The following MUC6 variants were observed in gnomAD, a reference collection of about 807,000 sequenced individuals.
MUC6 encodes mucin 6, oligomeric mucus/gel-forming (gene/pseudogene).
In MUC6, 188 loss-of-function variants were observed where a neutral mutation model predicts 201.5. The ratio of observed to expected loss-of-function variants is 0.93; its 90% confidence interval spans 0.83 to 1.05. The LOEUF (loss-of-function observed/expected upper bound fraction) is 1.05, where lower values mean the gene tolerates loss of function less well. Ranked by LOEUF, MUC6 falls within the 50% of genes least tolerant of loss-of-function variation. The pLI is 0.00. For synonymous variants in MUC6, 1,228 were observed against 1,389.4 expected, an observed-to-expected ratio of 0.88 and a Z score of 2.58; for missense variants, 2,706 against 3,256.9, an observed-to-expected ratio of 0.83 and a Z score of 4.12.
At position 1,025,927 on chromosome 11, in the gene MUC6, G is replaced by C. The variant is rs377667496; in HGVS notation, c.2689-12C>G. The C allele has an allele frequency of 1.7e-5, 28 of 1,604,396 alleles. No homozygotes were observed. Among genetic ancestry groups the C allele is most frequent in the Non-Finnish European group, 2.3e-5 (27 of 1,176,130 alleles). On this transcript the variant is annotated splice_polypyrimidine_tract_variant and intron_variant, in intron 21 of 32. Transcript: ENST00000421673. Reference sequence around the variant, plus strand: ...ACACCACAGACGTCCTGCAGGGAGAGGGCGCTGAGGAGGAGCCCTGGAGGC... The same window carrying C: ...ACACCACAGACGTCCTGCAGGGAGACGGCGCTGAGGAGGAGCCCTGGAGGC...
In MUC6 at chr11:1,029,546, T is replaced by C. The variant is rs1164117081; in HGVS notation, c.1085A>G (p.His362Arg). The C allele has an allele frequency of 8.7e-6, 14 of 1,612,202 alleles. No homozygotes were observed. The highest frequency in any genetic ancestry group is 1.1e-5 in the Non-Finnish European group (13 of 1,179,596). The change falls in exon 9 of 33, where the codon CAC (histidine) becomes CGC (arginine). Residue 362 changes from histidine to arginine, a missense_variant. This residue lies in a region of MUC6 where 1,850 missense variants were observed against 1,958.3 expected (regional missense o/e 0.94). Transcript: ENST00000421673. Reference sequence around the variant, plus strand: ...CTCCCCGGGGGCATACATGGCGCCGTGGAGCACACAGGGGCACTGGGTGAC... The same window carrying C: ...CTCCCCGGGGGCATACATGGCGCCGCGGAGCACACAGGGGCACTGGGTGAC... ...VPVTQCPCVLHGAMYAPGEVT... is the reference protein window; with the variant it reads ...VPVTQCPCVLRGAMYAPGEVT...
chr11:1,018,733 G>A lies in MUC6; in HGVS notation c.4068C>T (p.Ala1356=). ...STNQELPGTT[A]TQTTGPRPTP... ...TTGGACGTGGGCCTGTCGTCTGGGT[G>A]GCCGTTGTTCCTGGCAGTTCCTGAT... Residue 1356 remains alanine (A), a synonymous_variant, in exon 31 of 33, where the codon GCC becomes GCT. Transcript: ENST00000421673. The A allele has an allele frequency of 1.3e-6, 2 of 1,582,636 alleles. No homozygotes were observed. Among genetic ancestry groups the A allele is most frequent in the Non-Finnish European group, 1.7e-6 (2 of 1,166,996 alleles).
In MUC6 at chr11:1,014,002, C is replaced by T. The variant is rs1296338429; in HGVS notation, c.7040-1G>A. ...TGCTGCTCCCGCACACTGCAGACCC[C>T]TGGTAGCCGAGTGGACGGTCAGCAG... is the stretch of plus-strand genomic sequence containing the variant. On this transcript the variant is annotated splice_acceptor_variant, in intron 31 of 32. Coordinates refer to ENST00000421673, the MANE Select transcript of MUC6 (RefSeq NM_005961.3). LOFTEE classifies it high-confidence loss of function. 6.2e-7 allele frequency: 1 copy of T among 1,604,920 alleles called. No individual in the cohort carries two copies.
intron 14 of MUC6, 44 bp from the exon 15 acceptor site, chr11:1,028,103 C>T (rs1404208924): frequency 5.2e-6 from 8 of 1,547,696 alleles, no homozygotes; most frequent in Non-Finnish European, 7.0e-6. Context: ...CCCTCCCATT[C>T]CAGCTACGGC....
Position 1,031,249 on chromosome 11 carries a change from T to A in MUC6, c.494A>T (p.Glu165Val). ...GPDSHLMVLV[E>V]RKYMGQMCGL... ...GCACATCTGACCCATGTACTTCCGCTCCACCAGAACCTGCGGGAGACGGCT... is the reference window on the plus strand; with the variant it reads ...GCACATCTGACCCATGTACTTCCGCACCACCAGAACCTGCGGGAGACGGCT... The change falls in exon 5 of 33, where the codon GAG becomes GTG. Residue 165 changes from glutamate (E) to valine (V), a missense_variant. This residue lies in a region of MUC6 where 1,850 missense variants were observed against 1,958.3 expected (regional missense o/e 0.94). Coordinates refer to ENST00000421673, the MANE Select transcript of MUC6 (RefSeq NM_005961.3). 6.4e-7 allele frequency: 1 copy of A among 1,572,808 alleles called. No individual in the cohort carries two copies. Among genetic ancestry groups the A allele is most frequent in the African/African-American group, 1.4e-5 (1 of 73,456 alleles).
chr11:1,028,251 G>T lies in MUC6; in HGVS notation c.1728C>A (p.Asp576Glu). ...NCPAALERET[D>E]PCSMSQLNKV... Reference sequence around the variant, plus strand: ...TGTTGAGCTGGCTCATGGAGCAGGGGTCAGTCTCACGCTCCAGAGCGGCCG... The same window carrying T: ...TGTTGAGCTGGCTCATGGAGCAGGGTTCAGTCTCACGCTCCAGAGCGGCCG... Residue 576 changes from aspartate to glutamate, a missense_variant, in exon 14 of 33, where the codon GAC becomes GAA. By Grantham distance (45) the Asp-to-Glu change is conservative. This residue lies in a region of MUC6 where 1,850 missense variants were observed against 1,958.3 expected (regional missense o/e 0.94). Coordinates refer to ENST00000421673, the MANE Select transcript of MUC6 (RefSeq NM_005961.3). 2 of 1,587,730 alleles carry T rather than the reference G, an allele frequency of 1.3e-6. No individual in the cohort carries two copies. The highest frequency in any genetic ancestry group is 2.3e-5 in the South Asian group (2 of 87,276).
At position 1,024,858 on chromosome 11, in the gene MUC6, T is replaced by C. The variant is rs201059141; in HGVS notation, c.3211A>G (p.Thr1071Ala). ...CSVINSQTFA[T>A]CHSKVYHLPY... ...CCGGTGCCCACCTTGCTGTGGCAGG[T>C]GGCAAAGGTCTGGCTGTTGATGACG... Residue 1071 changes from threonine to alanine, a missense_variant, in exon 24 of 33, where the codon ACC (threonine) becomes GCC (alanine). Transcript: ENST00000421673. 1 of 1,593,530 alleles carries C rather than the reference T, an allele frequency of 6.3e-7. No individual in the cohort carries two copies. The highest frequency in any genetic ancestry group is 1.7e-5 in the Admixed American group (1 of 57,660).
In MUC6 at chr11:1,015,850, C is replaced by G; in HGVS notation, c.6951G>C (p.Arg2317=). 1 of 1,603,176 alleles carries G rather than the reference C, an allele frequency of 6.2e-7. No individual in the cohort carries two copies. The highest frequency in any genetic ancestry group is 8.5e-7 in the Non-Finnish European group (1 of 1,173,910). Residue 2317 remains arginine, a synonymous_variant, in exon 31 of 33, where the codon CGG becomes CGC. Transcript: ENST00000421673. ...HPGPTLSPTT[R]FLTSSLTAHG... ...GGGCAGTGAGGGAGCTGGTCAGGAA[C>G]CGTGTGGTAGGCGACAAGGTGGGAC...
At position 1,013,487 on chromosome 11, in the gene MUC6, CA is replaced by C; in HGVS notation, c.7288del (p.Cys2430AlafsTer?). ...TCCACAGGCCACAGAGCTGCACACG[CA>C]GTGGCTGAACACCTGCAGGGTGAGT... ...LVLTLQVFSHCVCSSVACGD is the reference protein window; with the variant it reads ...LVLTLQVFSHXVCSSVACGD On this transcript the variant is annotated frameshift_variant, in exon 33 of 33. Coordinates refer to ENST00000421673, the MANE Select transcript of MUC6 (RefSeq NM_005961.3). LOFTEE classifies it low-confidence loss of function (END_TRUNC). 1 of 1,585,796 alleles carries C rather than the reference CA, an allele frequency of 6.3e-7. No homozygotes were observed. The highest frequency in any genetic ancestry group is 8.6e-7 in the Non-Finnish European group (1 of 1,167,488).
chr11:1,024,229 A>C, intron 24 of MUC6, 126 bp from the exon 25 acceptor site: 1 of 1,157,670 alleles, frequency 8.6e-7, no homozygotes, highest in African/African-American at 1.5e-5. Context: ...GGACTGGGTG[A>C]GCGGCACCAC....
chr11:1,026,047 C>T lies in MUC6; in HGVS notation c.2641G>A (p.Gly881Ser), dbSNP rs769804609. 29 of 1,592,230 alleles carry T rather than the reference C, an allele frequency of 1.8e-5. No homozygotes were observed. The highest frequency in any genetic ancestry group is 9.4e-5 in the African/African-American group (7 of 74,558). The change falls in exon 21 of 33, where the codon GGC becomes AGC. Residue 881 changes from glycine to serine, a missense_variant. Physicochemically the swap from Gly to Ser is moderately conservative, Grantham distance 56. This residue lies in a region of MUC6 where 1,850 missense variants were observed against 1,958.3 expected (regional missense o/e 0.94). Coordinates refer to ENST00000421673, the MANE Select transcript of MUC6 (RefSeq NM_005961.3). ...YGEGHVITFD[G>S]QRFVFDGNCE... ...TTGCCGTCGAATACGAAGCGCTGGCCGTCGAAGGTGATGACGTGGCCCTCC... is the reference window on the plus strand; with the variant it reads ...TTGCCGTCGAATACGAAGCGCTGGCTGTCGAAGGTGATGACGTGGCCCTCC...
At chr11:1,029,921 T>C (rs537716944) in intron 8 of MUC6, among the ~76,000 whole-genome samples, 2 of 152,334 alleles carry the variant, frequency 1.3e-5, no homozygotes, top group South Asian at 4.1e-4. Context: ...CAGGGACGTG[T>C]AACTGTCCCT....
chr11:1,020,872 C>CCTCCCCTCT lies in MUC6; in HGVS notation c.3590-147_3590-139dup, dbSNP rs200207548. ...GGGACTGGAGGGGCTGGGAGCCCAC[C>CCTCCCCTCT]CTCCCCTCTCTCCCTTTCTCCTTCC... On this transcript the variant is annotated intron_variant, in intron 27 of 32. Coordinates refer to ENST00000421673, the MANE Select transcript of MUC6 (RefSeq NM_005961.3). 1.8e-3 allele frequency: 2,013 copies of CCTCCCCTCT among 1,127,552 alleles called. 40 individuals are homozygous for CCTCCCCTCT. The African/African-American group carries it at 0.028, about 16-fold the overall frequency. The allele number at this position is 1,127,552 out of a possible 1,614,324, so 69.8% of individuals were successfully genotyped here.
At chr11:1,032,886 C>A in intron 2 of MUC6, 127 bp downstream of exon 2, 1 of 736,326 alleles carries the variant, frequency 1.4e-6, no homozygotes, top group South Asian at 1.9e-5. Flanking sequence ...CATGTGTGTT[C>A]ATGTTGGTGC....
At chr11:1,019,605 AC>A in intron 29 of MUC6, 109 bp from the exon 30 acceptor site, 1 of 1,003,712 alleles carries the variant, frequency 1.0e-6, no homozygotes, top group Non-Finnish European at 1.5e-6. Flanking sequence ...GCTGTCCGGG[AC>A]TCAGCCTCCT....
intron 10 of MUC6, 27 bp from the exon 11 acceptor site, chr11:1,029,177 G>T (rs749142533): frequency 6.2e-7 from 1 of 1,607,000 alleles, no homozygotes; most frequent in Non-Finnish European, 8.5e-7. Flanking sequence ...CTCAGACACG[G>T]GTGGGGTCAC....
chr11:1,018,563 C>T lies in MUC6; in HGVS notation c.4238G>A (p.Gly1413Glu), dbSNP rs1554897504. The change falls in exon 31 of 33, where the codon GGG becomes GAG. Residue 1413 changes from glycine (G) to glutamate (E), a missense_variant. Physicochemically the swap from Gly to Glu is moderately conservative, Grantham distance 98. Transcript: ENST00000421673. Reference sequence around the variant, plus strand: ...AGGACCTGTGGAAGGGACGGGACTCCCCGCCGTAGGCGGGGAGTGTGTGGT... The same window carrying T: ...AGGACCTGTGGAAGGGACGGGACTCTCCGCCGTAGGCGGGGAGTGTGTGGT... ...PHTTHSPPTA[G>E]SPVPSTGPVT... 8 of 1,612,402 alleles carry T rather than the reference C, an allele frequency of 5.0e-6. No homozygotes were observed. The South Asian group carries it at 8.8e-5, about 18-fold the overall frequency.
intron 1 of MUC6, among the ~76,000 whole-genome samples, chr11:1,035,491 C>T (rs1225474243): frequency 2.0e-5 from 3 of 150,856 alleles, no homozygotes; most frequent in African/African-American, 2.5e-5. Context: ...GGGTGGTGCC[C>T]GGCGTGGTAG....
At chr11:1,019,836 C>T (rs1590043348) in intron 29 of MUC6, 1 of 657,162 alleles carries the variant, frequency 1.5e-6, no homozygotes, top group African/African-American at 1.8e-5. Flanking sequence ...CTGGCAGAGG[C>T]CCTGCAGGTC....
Sources: gnomAD v4.1 joint callset for allele counts (sites outside exome capture counted in the v4.1 genomes callset) on GRCh38, gnomAD v4.1.1 for gene constraint, gnomAD v4.1.1 regional missense constraint, MANE v1.5 for transcripts, NCBI Gene and HGNC (gene_info 2026-07-23, HGNC 2026-07-21) for gene names.